Variants in HERC4 observed in about 807,000 individuals in gnomAD.
HERC4 encodes HECT and RLD domain containing E3 ubiquitin protein ligase 4.
A neutral mutation model predicts 124.3 loss-of-function variants in HERC4; 28 were observed. That is an observed-to-expected ratio of 0.23 (90% confidence interval 0.17 to 0.31). The LOEUF is 0.31. Ranked by LOEUF, HERC4 falls within the 10% of genes least tolerant of loss-of-function variation. HERC4 has a pLI of 1.00. For synonymous variants in HERC4, 407 were observed against 421.5 expected, an observed-to-expected ratio of 0.97 and a Z score of 0.42; for missense variants, 713 against 1,229.3, an observed-to-expected ratio of 0.58 and a Z score of 6.28.
intron 19 of HERC4, among the ~76,000 whole-genome samples, chr10:67,953,108 T>C (rs2033915118): frequency 2.0e-5 from 3 of 152,012 alleles, no homozygotes; most frequent in South Asian, 4.1e-4. Context: ...AGATCACCCA[T>C]AGGAAGAGGG....
intron 7 of HERC4, among the ~76,000 whole-genome samples, chr10:68,027,885 C>A (rs1454519435): frequency 6.6e-6 from 1 of 151,504 alleles, no homozygotes; most frequent in Non-Finnish European, 1.5e-5. Context: ...GATCACACCA[C>A]TGCACTCCAG....
intron 8 of HERC4, among the ~76,000 whole-genome samples, chr10:68,021,640 C>A (rs968522968): frequency 6.6e-6 from 1 of 152,154 alleles, no homozygotes; most frequent in African/African-American, 2.4e-5. Flanking sequence ...GAAACCCCAT[C>A]TCTACTAAAA....
At chr10:67,980,282 C>A (rs60169349) in intron 15 of HERC4, among the ~76,000 whole-genome samples, 1 of 151,848 alleles carries the variant, frequency 6.6e-6, no homozygotes, top group South Asian at 2.1e-4. Context: ...TACAGACATG[C>A]GCCACCATGC....
At chr10:68,059,564 A>ATTATATATCATAATATTATATATC (rs1564607612) in intron 3 of HERC4, among the ~76,000 whole-genome samples, 1 of 75,880 alleles carries the variant, frequency 1.3e-5, no homozygotes, top group African/African-American at 7.8e-5. Context: ...TATATATCAT[A>ATTATATATCATAATATTATATATC]ATATTATATA....
intron 19 of HERC4, among the ~76,000 whole-genome samples, chr10:67,949,374 C>G (rs1179031308): frequency 1.3e-5 from 2 of 152,126 alleles, no homozygotes; most frequent in African/African-American, 2.4e-5. Context: ...AGAATTAACA[C>G]CAATTCTCAA....
chr10:68,060,966 T>C (rs1169771689), intron 3 of HERC4, among the ~76,000 whole-genome samples: 2 of 152,050 alleles, frequency 1.3e-5, no homozygotes, highest in Non-Finnish European at 2.9e-5. Flanking sequence ...ATAGGTAAAG[T>C]AGCTAAACTT....
intron 9 of HERC4, among the ~76,000 whole-genome samples, chr10:68,007,182 A>C (rs952579052): frequency 6.6e-6 from 1 of 151,786 alleles, no homozygotes; most frequent in Admixed American, 6.6e-5. Flanking sequence ...TCAACTCTGT[A>C]TATTTTCATA....
At chr10:67,974,101 CACACACACACACACACACAT>C (rs1405362552) in intron 15 of HERC4, among the ~76,000 whole-genome samples, 45 of 144,398 alleles carry the variant, frequency 3.1e-4, no homozygotes, top group Admixed American at 8.5e-4. Context: ...CACACACACA[CACACACACACACACACACAT>C]ACACACAGGG....
At chr10:67,990,657 C>T (rs2036502316) in intron 13 of HERC4, among the ~76,000 whole-genome samples, 1 of 152,028 alleles carries the variant, frequency 6.6e-6, no homozygotes, top group Admixed American at 6.5e-5. Flanking sequence ...AAACTCTCTA[C>T]CTCTATAACC....
chr10:68,059,669 T>TATA lies in HERC4; in HGVS notation c.226+13211_226+13213dup, dbSNP rs1438271018. ...TTATATTATATATCATATTATATATTATATTATATATCATAATATTATATA... is the reference window on the plus strand; with the variant it reads ...TTATATTATATATCATATTATATATTATAATATTATATATCATAATATTATATA... On this transcript the variant is annotated intron_variant, in intron 3 of 24. Coordinates refer to ENST00000373700, the MANE Select transcript of HERC4 (RefSeq NM_015601.4). 4.3e-5 allele frequency among the ~76,000 whole-genome samples: 3 copies of TATA among 69,496 alleles called. 1 individual carries two copies. The highest frequency in any genetic ancestry group is 3.3e-4 in the African/African-American group (3 of 9,104). 45.6% of individuals were successfully genotyped at this position (69,496 alleles called of 152,430 possible).
chr10:68,052,328 C>T (rs561952337), intron 3 of HERC4, among the ~76,000 whole-genome samples: 3 of 152,038 alleles, frequency 2.0e-5, no homozygotes, highest in Middle Eastern at 3.2e-3. Context: ...ATCATTTTAC[C>T]GAGGAGAAAG....
intron 23 of HERC4, among the ~76,000 whole-genome samples, chr10:67,929,523 T>C (rs993978611): frequency 6.7e-6 from 1 of 150,072 alleles, no homozygotes; most frequent in Non-Finnish European, 1.5e-5. Flanking sequence ...GTATCAATAG[T>C]GCTTTTTTTT....
At chr10:67,987,513 C>T (rs2036330343) in intron 15 of HERC4, among the ~76,000 whole-genome samples, 1 of 152,044 alleles carries the variant, frequency 6.6e-6, no homozygotes, top group African/African-American at 2.4e-5. Flanking sequence ...AAGGTAGAGA[C>T]CCATCTCATG....
At chr10:67,979,250 A>G (rs1420286359) in intron 15 of HERC4, among the ~76,000 whole-genome samples, 1 of 152,138 alleles carries the variant, frequency 6.6e-6, no homozygotes, top group African/African-American at 2.4e-5. Flanking sequence ...TAATACAGAG[A>G]AAGAATACCA....
intron 9 of HERC4, 33 bp from the exon 10 acceptor site, chr10:67,992,715 G>C: frequency 9.3e-7 from 1 of 1,078,384 alleles, no homozygotes; most frequent in Non-Finnish European, 1.4e-6. Context: ...TAAAAGCCAA[G>C]ATTTACATAA....
intron 8 of HERC4, among the ~76,000 whole-genome samples, chr10:68,021,776 C>A (rs1477827844): frequency 1.3e-5 from 2 of 152,074 alleles, no homozygotes; most frequent in Non-Finnish European, 2.9e-5. Flanking sequence ...CCATTGCACT[C>A]CAGCCTGGGC....
Position 67,993,373 on chromosome 10 carries a change from C to T in HERC4, c.1070-691G>A, listed in dbSNP as rs113335054. On this transcript the variant is annotated intron_variant, in intron 9 of 24. Transcript: ENST00000373700. ...AAAAAAAAAAAAAGAAAGAATTGAA[C>T]TGGGCTACAGTGGCACATGTCTGTA... The T allele has an allele frequency of 9.8e-3, 1,476 of 150,950 alleles. 19 individuals carry two copies. Among genetic ancestry groups the T allele is most frequent in the Middle Eastern group, 0.017 (5 of 288 alleles). The allele number at this position is 150,950 out of a possible 1,614,324, so 9.4% of individuals were successfully genotyped here. A position where few individuals can be genotyped will look rare whatever the true frequency, so the allele number is the denominator to read the frequency against.
chr10:67,930,206 C>G (rs564574429), intron 23 of HERC4, among the ~76,000 whole-genome samples: 2 of 152,194 alleles, frequency 1.3e-5, no homozygotes, highest in Admixed American at 1.3e-4. Flanking sequence ...TAAGTTGTTT[C>G]CAGTTTTTCA....
intron 19 of HERC4, among the ~76,000 whole-genome samples, chr10:67,949,594 A>G (rs1405670529): frequency 6.6e-6 from 1 of 152,246 alleles, no homozygotes; most frequent in Non-Finnish European, 1.5e-5. Flanking sequence ...CAAGTAGCCT[A>G]TTAAAAGGAT....
Sources: gnomAD v4.1 joint callset for allele counts (sites outside exome capture counted in the v4.1 genomes callset) on GRCh38, gnomAD v4.1.1 for gene constraint, MANE v1.5 for transcripts, NCBI Gene and HGNC (gene_info 2026-07-23, HGNC 2026-07-21) for gene names.